C2orf74: variants seen among roughly 807,000 people sequenced by gnomAD.
C2orf74 encodes DPM1 ER membrane anchor 1, also known as uncharacterized protein C2orf74.
In C2orf74, 14 loss-of-function variants were observed where a neutral mutation model predicts 17.9. That is an observed-to-expected ratio of 0.78 (90% confidence interval 0.52 to 1.22). C2orf74 has a LOEUF of 1.22. C2orf74 is among the 50% of genes most tolerant of loss of function. C2orf74 has a pLI of 0.00. For missense variants in C2orf74, 217 were observed against 218.4 expected (o/e 0.99, Z 0.04); for synonymous variants, 79 against 72.6 (o/e 1.09, Z -0.44).
In C2orf74 at chr2:61,156,607, G is replaced by A. The variant is rs1685398387; in HGVS notation, c.-121-6235G>A. ...CCAACAATAAGAAAATAATTGGCCG[G>A]GCGTGGTGGCTCATGCCTGTAATCC... On this transcript the variant is annotated intron_variant, in intron 1 of 3. Transcript: ENST00000426997. Among the ~76,000 whole-genome samples the A allele has an allele frequency of 3.3e-5, 5 of 152,148 alleles. No individual in the cohort carries two copies. In the South Asian group the frequency reaches 1.0e-3, roughly 32 times the overall value.
chr2:61,162,224 G>A lies in C2orf74; in HGVS notation c.-196G>A. On this transcript the variant is annotated 5_prime_UTR_variant, in exon 1 of 5. In the 5' UTR this introduces an upstream ATG that the reference lacks. Coordinates refer to ENST00000432605, the MANE Select transcript of C2orf74 (RefSeq NM_001143959.4). ...CCTCTGGGTCCTGATAGTTTTTGGGGTGAGGGAGGTGAGCTGCGTGATCAC... is the reference window on the plus strand; with the variant it reads ...CCTCTGGGTCCTGATAGTTTTTGGGATGAGGGAGGTGAGCTGCGTGATCAC... The A allele has an allele frequency of 2.0e-5, 8 of 407,350 alleles. 1 individual carries two copies. The highest frequency in any genetic ancestry group is 3.9e-5 in the South Asian group (1 of 25,720). 25.2% of individuals were successfully genotyped at this position (407,350 alleles called of 1,614,324 possible). A position where few individuals can be genotyped will look rare whatever the true frequency, so the allele number is the denominator to read the frequency against.
chr2:61,153,387 T>C (rs1391921412), intron 1 of C2orf74, among the ~76,000 whole-genome samples: 1 of 150,874 alleles, frequency 6.6e-6, no homozygotes, highest in Non-Finnish European at 1.5e-5. Flanking sequence ...TTCATGCCAT[T>C]CTCCTGCCTC....
At chr2:61,149,344 G>C (rs72883057) in intron 1 of C2orf74, among the ~76,000 whole-genome samples, 114 of 152,240 alleles carry the variant, frequency 7.5e-4, no homozygotes, top group African/African-American at 2.5e-3. Context: ...CCTGGATGCT[G>C]TAATAAGGCC....
intron 1 of C2orf74, among the ~76,000 whole-genome samples, chr2:61,147,265 A>C (rs1433087939): frequency 6.6e-6 from 1 of 150,758 alleles, no homozygotes; most frequent in African/African-American, 2.4e-5. Flanking sequence ...CCGAGACTGC[A>C]CAATGGCGCC....
At chr2:61,157,954 C>T (rs753513320), upstream of C2orf74, 3 of 471,136 alleles carry the variant, frequency 6.4e-6, no homozygotes, top group Non-Finnish European at 1.3e-5. Context: ...TGCTGCAGAT[C>T]CTGTCACCAC....
upstream of C2orf74, among the ~76,000 whole-genome samples, chr2:61,159,942 A>C (rs1685512119): frequency 6.6e-6 from 1 of 152,104 alleles, no homozygotes; most frequent in Non-Finnish European, 1.5e-5. Flanking sequence ...TCATAATTCT[A>C]AATTGAAACT....
chr2:61,150,461 T>C (rs1241797951), intron 1 of C2orf74, among the ~76,000 whole-genome samples: 1 of 152,146 alleles, frequency 6.6e-6, no homozygotes, highest in Non-Finnish European at 1.5e-5. Context: ...ACTAACAGGA[T>C]CATCCTGCGA....
chr2:61,156,120 C>T (rs1228808983), intron 1 of C2orf74, among the ~76,000 whole-genome samples: 4 of 152,070 alleles, frequency 2.6e-5, no homozygotes, highest in Non-Finnish European at 5.9e-5. Flanking sequence ...GATCACTTGA[C>T]CCTGGAAGGT....
At chr2:61,154,396 T>C (rs924001762) in intron 1 of C2orf74, among the ~76,000 whole-genome samples, 5 of 152,078 alleles carry the variant, frequency 3.3e-5, no homozygotes, top group Non-Finnish European at 7.4e-5. Context: ...GGAGACATGA[T>C]TTAATTGTAA....
chr2:61,160,239 C>T (rs1470073055), upstream of C2orf74, among the ~76,000 whole-genome samples: 3 of 151,618 alleles, frequency 2.0e-5, no homozygotes, highest in South Asian at 2.1e-4. Flanking sequence ...TGGCTGACTG[C>T]GACCTCCGCC....
chr2:61,152,908 T>C (rs1408653252), intron 1 of C2orf74, among the ~76,000 whole-genome samples: 2 of 146,110 alleles, frequency 1.4e-5, no homozygotes, highest in Admixed American at 6.8e-5. Context: ...GTAATCCCAG[T>C]ACTTTGGGAG....
chr2:61,147,219 TTTCC>T (rs201039802), intron 1 of C2orf74, among the ~76,000 whole-genome samples: 76 of 146,604 alleles, frequency 5.2e-4, no homozygotes, highest in Admixed American at 1.2e-3. Flanking sequence ...TTTCCTTTCC[TTTCC>T]TTTTTTTTTT....
At chr2:61,152,540 C>A (rs1295007184) in intron 1 of C2orf74, among the ~76,000 whole-genome samples, 26 of 132,862 alleles carry the variant, frequency 2.0e-4, no homozygotes, top group Admixed American at 5.6e-4. Flanking sequence ...GACTCCATCT[C>A]AAAAAAAAAT....
intron 1 of C2orf74, among the ~76,000 whole-genome samples, chr2:61,145,488 A>G (rs573912370): frequency 3.3e-5 from 5 of 152,244 alleles, no homozygotes; most frequent in Middle Eastern, 3.4e-3. Context: ...CAGTAATGCA[A>G]TCTCGGCTCA....
chr2:61,164,468 C>T lies in C2orf74; in HGVS notation c.505C>T (p.Leu169Phe), dbSNP rs768664659. Residue 169 changes from leucine (L) to phenylalanine (F), a missense_variant, in exon 5 of 5, where the codon CTT (leucine) becomes TTT (phenylalanine). Leu to Phe is a conservative substitution (Grantham distance 22). Transcript: ENST00000432605. ...TFSREVIVVD[L>F]GNEYPTPRSY... Reference sequence around the variant, plus strand: ...TTCTAGGGAGGTAATTGTTGTGGATCTTGGGAATGAATACCCTACACCTCG... The same window carrying T: ...TTCTAGGGAGGTAATTGTTGTGGATTTTGGGAATGAATACCCTACACCTCG... The T allele has an allele frequency of 1.9e-5, 30 of 1,550,844 alleles. 1 individual carries two copies. The highest frequency in any genetic ancestry group is 1.4e-4 in the Admixed American group (7 of 50,804).
At chr2:61,145,538 C>T (rs754556085) in intron 1 of C2orf74, among the ~76,000 whole-genome samples, 8 of 152,142 alleles carry the variant, frequency 5.3e-5, no homozygotes, top group Non-Finnish European at 8.8e-5. Flanking sequence ...ATTCTCCCAC[C>T]TCAGCCTCCC....
intron 4 of C2orf74, 90 bp from the exon 5 acceptor site, chr2:61,164,264 C>T (rs958985575): frequency 4.0e-5 from 41 of 1,037,122 alleles, no homozygotes; most frequent in African/African-American, 2.7e-4. Flanking sequence ...TTCTGTTTCT[C>T]GTTAAGTGTA....
At chr2:61,162,718 A>T in intron 2 of C2orf74, 109 bp downstream of exon 2, 1 of 1,068,858 alleles carries the variant, frequency 9.4e-7, no homozygotes, top group Non-Finnish European at 1.4e-6. Context: ...TACCATAATT[A>T]TCTACTTTTC....
At chr2:61,147,102 G>A (rs1213831931) in intron 1 of C2orf74, among the ~76,000 whole-genome samples, 1 of 152,058 alleles carries the variant, frequency 6.6e-6, no homozygotes, top group African/African-American at 2.4e-5. Context: ...CCAGGAGACA[G>A]AGGTTACAGT....
Sources: gnomAD v4.1 joint callset for allele counts (sites outside exome capture counted in the v4.1 genomes callset) on GRCh38, gnomAD v4.1.1 for gene constraint, MANE v1.5 for transcripts, NCBI Gene and HGNC (gene_info 2026-07-23, HGNC 2026-07-21) for gene names.